The following SRFBP1 variants were observed in gnomAD, a reference collection of about 807,000 sequenced individuals.
The protein encoded by SRFBP1 is serum response factor-binding protein 1.
Under a neutral mutation model 45.5 loss-of-function variants are expected in SRFBP1, and 47 were observed. The ratio of observed to expected loss-of-function variants is 1.03; its 90% CI spans 0.82 to 1.32. The LOEUF (loss-of-function observed/expected upper bound fraction) is 1.32. Ranked by LOEUF, SRFBP1 falls within the 40% of genes most tolerant of loss-of-function variation. SRFBP1 has a pLI of 0.00. For synonymous variants in SRFBP1, 203 were observed against 166.3 expected, an observed-to-expected ratio of 1.22 and a Z score of -1.70; for missense variants, 621 against 484.6, an observed-to-expected ratio of 1.28 and a Z score of -2.64.
intron 3 of SRFBP1, among the ~76,000 whole-genome samples, chr5:121,982,305 A>G (rs1028777206): frequency 6.6e-6 from 1 of 151,980 alleles, no homozygotes. Context: ...TTAAAAGATC[A>G]GTATATAATG....
intron 2 of SRFBP1, among the ~76,000 whole-genome samples, chr5:122,074,609 A>G (rs1754560709): frequency 1.3e-5 from 2 of 152,246 alleles, no homozygotes; most frequent in Non-Finnish European, 2.9e-5. Context: ...ATTTAAAATC[A>G]TTAGTGAAAA....
chr5:121,994,110 T>G (rs538186945), intron 3 of SRFBP1, among the ~76,000 whole-genome samples: 48 of 152,188 alleles, frequency 3.2e-4, no homozygotes, highest in Admixed American at 1.6e-3. Context: ...TGTCAGAGTC[T>G]TGAGCTAATA....
In SRFBP1 at chr5:122,019,003, TTAAG is replaced by T. The variant is rs557814073; in HGVS notation, c.271-254_271-251del. ...GGTGCTTATCACAATTCTGAGAATA[TTAAG>T]TATCGTATCCAAAGAATATTTATTA... On this transcript the variant is annotated intron_variant, in intron 4 of 7. Coordinates refer to ENST00000339397, the MANE Select transcript of SRFBP1 (RefSeq NM_152546.3). Among the ~76,000 whole-genome samples the T allele has an allele frequency of 1.9e-4, 29 of 152,322 alleles. No homozygotes were observed. The East Asian group carries it at 5.6e-3, about 29-fold the overall frequency.
chr5:122,015,967 A>G (rs1037203758), intron 4 of SRFBP1, among the ~76,000 whole-genome samples: 2 of 151,990 alleles, frequency 1.3e-5, no homozygotes, highest in East Asian at 1.9e-4. Flanking sequence ...CATCCTCCTT[A>G]TATACTTGAA....
Position 122,075,505 on chromosome 5 carries a change from G to C in SRFBP1, n.502G>C, listed in dbSNP as rs745565846. ...TTTGGGGAAATCTGAGCAGCACCCT[G>C]TGATCATAATCTCTGACATCTGCCC... On this transcript the variant is annotated non_coding_transcript_exon_variant, in exon 3 of 3. Coordinates refer to the SRFBP1 transcript ENST00000504881. 7.4e-6 allele frequency: 12 copies of C among 1,612,412 alleles called. No homozygotes were observed. Among genetic ancestry groups the C allele is most frequent in the Non-Finnish European group, 7.6e-6 (9 of 1,179,128 alleles).
intron 3 of SRFBP1, among the ~76,000 whole-genome samples, chr5:121,979,476 G>A (rs1424819445): frequency 2.0e-5 from 3 of 152,222 alleles, no homozygotes; most frequent in Admixed American, 6.5e-5. Flanking sequence ...GTGTTAATTA[G>A]CTATGTCAAC....
chr5:121,962,868 G>C (rs538627229), intron 1 of SRFBP1, among the ~76,000 whole-genome samples: 1 of 152,320 alleles, frequency 6.6e-6, no homozygotes, highest in Non-Finnish European at 1.5e-5. Context: ...TTATGAGCAA[G>C]TCACTGTTTA....
At chr5:122,000,579 C>T (rs1561586779) in intron 4 of SRFBP1, among the ~76,000 whole-genome samples, 1 of 151,994 alleles carries the variant, frequency 6.6e-6, no homozygotes, top group Non-Finnish European at 1.5e-5. Flanking sequence ...GTTGATAGCT[C>T]TTGTCTTTCT....
intron 1 of SRFBP1, among the ~76,000 whole-genome samples, chr5:121,962,831 A>G (rs1032232600): frequency 6.6e-6 from 1 of 152,218 alleles, no homozygotes; most frequent in African/African-American, 2.4e-5. Flanking sequence ...TCACAGTTAG[A>G]TACAGAAAGG....
intron 3 of SRFBP1, among the ~76,000 whole-genome samples, chr5:121,987,254 T>C (rs1424767736): frequency 6.6e-6 from 1 of 152,060 alleles, no homozygotes; most frequent in Non-Finnish European, 1.5e-5. Context: ...GTGAAGGGAC[T>C]CCCAGTATCA....
intron 1 of SRFBP1, among the ~76,000 whole-genome samples, chr5:121,971,921 C>A (rs1399603850): frequency 6.6e-6 from 1 of 151,868 alleles, no homozygotes; most frequent in Non-Finnish European, 1.5e-5. Flanking sequence ...TTTTAGTAGA[C>A]TGATGAGGAT....
At chr5:122,013,785 T>C (rs774130580) in intron 4 of SRFBP1, among the ~76,000 whole-genome samples, 2 of 152,186 alleles carry the variant, frequency 1.3e-5, no homozygotes, top group Non-Finnish European at 1.5e-5. Context: ...TACTTTAATA[T>C]ATTGCTAATG....
At chr5:122,048,879 A>G (rs1753914475) in intron 2 of SRFBP1, among the ~76,000 whole-genome samples, 1 of 152,092 alleles carries the variant, frequency 6.6e-6, no homozygotes, top group Non-Finnish European at 1.5e-5. Context: ...TTTCTGTGGG[A>G]TCAGTGATGA....
intron 2 of SRFBP1, among the ~76,000 whole-genome samples, chr5:122,058,529 AGTGTGTGTGTGTGTGTGT>A (rs147926229): frequency 2.5e-4 from 35 of 142,348 alleles, no homozygotes; most frequent in African/African-American, 8.4e-4. Flanking sequence ...ACAATGAGAT[AGTGTGTGTGTGTGTGTGT>A]GTGTGTGTGT....
intron 2 of SRFBP1, chr5:122,070,001 G>A (rs1470653926): frequency 7.7e-7 from 1 of 1,303,682 alleles, no homozygotes; most frequent in African/African-American, 1.5e-5. Context: ...TGTTTGGCAT[G>A]AACAAAAATT....
At chr5:121,967,842 C>G (rs1561574381) in intron 1 of SRFBP1, among the ~76,000 whole-genome samples, 1 of 152,164 alleles carries the variant, frequency 6.6e-6, no homozygotes, top group Non-Finnish European at 1.5e-5. Context: ...TTGTTTCGAA[C>G]AAAGACAAGA....
intron 7 of SRFBP1, among the ~76,000 whole-genome samples, chr5:122,023,359 G>T (rs1561595875): frequency 6.6e-6 from 1 of 152,122 alleles, no homozygotes; most frequent in Non-Finnish European, 1.5e-5. Context: ...CAAAGTCCAG[G>T]ATCACTGGTC....
At chr5:122,028,938 C>T (rs1713186905), downstream of SRFBP1, among the ~76,000 whole-genome samples, 1 of 152,168 alleles carries the variant, frequency 6.6e-6, no homozygotes, top group Non-Finnish European at 1.5e-5. Flanking sequence ...GATTTTGTTA[C>T]AAGTACTGTT....
chr5:121,966,267 C>G (rs567222696), intron 1 of SRFBP1, among the ~76,000 whole-genome samples: 3 of 152,040 alleles, frequency 2.0e-5, no homozygotes, highest in East Asian at 3.9e-4. Flanking sequence ...GTTATTCTTG[C>G]GAAGTAAAGT....
Sources: allele counts gnomAD v4.1 joint callset (sites outside exome capture counted in the v4.1 genomes callset), GRCh38; gene constraint gnomAD v4.1.1; transcripts MANE v1.5; gene names NCBI Gene and HGNC (gene_info 2026-07-23, HGNC 2026-07-21).